The following ADAM12 variants were observed in gnomAD, a reference collection of about 807,000 sequenced individuals.
The protein encoded by ADAM12 is disintegrin and metalloproteinase domain-containing protein 12.
ADAM12 carries 70 observed loss-of-function variants against 106.4 expected under a neutral mutation model. The ratio of observed to expected loss-of-function variants is 0.66; its 90% CI spans 0.54 to 0.80. The LOEUF (loss-of-function observed/expected upper bound fraction) is 0.80, where lower values mean the gene tolerates loss of function less well. Ranked by LOEUF, ADAM12 falls within the 30% of genes least tolerant of loss-of-function variation. The pLI, the probability that ADAM12 is intolerant of heterozygous loss-of-function variation, is 0.00. For missense variants in ADAM12, 1,010 were observed against 1,171.9 expected (o/e 0.86, Z 2.02); for synonymous variants, 420 against 433.5 (o/e 0.97, Z 0.39).
chr10:126,256,230 T>C (rs1415626468), intron 3 of ADAM12, among the ~76,000 whole-genome samples: 2 of 152,216 alleles, frequency 1.3e-5, no homozygotes, highest in Non-Finnish European at 2.9e-5. Context: ...TCACATTGTA[T>C]GAATGAACGC....
intron 5 of ADAM12, among the ~76,000 whole-genome samples, chr10:126,119,368 A>G (rs936084953): frequency 1.3e-5 from 2 of 152,236 alleles, no homozygotes; most frequent in African/African-American, 4.8e-5. Flanking sequence ...TCATCGAGTC[A>G]AAACGCTTAG....
At chr10:126,071,445 T>C (rs1954988089) in intron 12 of ADAM12, 32 bp downstream of exon 12, 1 of 1,606,880 alleles carries the variant, frequency 6.2e-7, no homozygotes, top group South Asian at 1.1e-5. Context: ...ATACAAGTCT[T>C]CTTGTATCCT....
intron 3 of ADAM12, among the ~76,000 whole-genome samples, chr10:126,184,672 C>T (rs560464926): frequency 6.6e-5 from 10 of 152,242 alleles, no homozygotes; most frequent in South Asian, 4.1e-4. Flanking sequence ...ATGACCTTTC[C>T]GACGGCTGCC....
chr10:126,031,113 A>G (rs1953964440), intron 21 of ADAM12, among the ~76,000 whole-genome samples: 1 of 152,130 alleles, frequency 6.6e-6, no homozygotes, highest in South Asian at 2.1e-4. Context: ...GGGGAGGGTG[A>G]GATCTGGAAT....
intron 14 of ADAM12, among the ~76,000 whole-genome samples, chr10:126,050,881 C>T (rs1954464088): frequency 6.6e-6 from 1 of 152,176 alleles, no homozygotes; most frequent in South Asian, 2.1e-4. Context: ...CTTTTATAAG[C>T]CATGTTAGAG....
chr10:126,267,969 C>T (rs1959133269), intron 3 of ADAM12, among the ~76,000 whole-genome samples: 1 of 152,040 alleles, frequency 6.6e-6, no homozygotes, highest in African/African-American at 2.4e-5. Context: ...GCAAAATACA[C>T]ATAACATAAA....
intron 17 of ADAM12, among the ~76,000 whole-genome samples, chr10:126,045,804 A>G (rs187298628): frequency 6.6e-6 from 1 of 152,368 alleles, no homozygotes; most frequent in East Asian, 1.9e-4. Flanking sequence ...ATTACTTTGA[A>G]CAACAAAAGT....
intron 2 of ADAM12, among the ~76,000 whole-genome samples, chr10:126,327,073 T>A (rs1342831413): frequency 1.3e-5 from 2 of 151,854 alleles, no homozygotes; most frequent in African/African-American, 4.8e-5. Context: ...GGCCCCATGC[T>A]ATGGCACCAT....
At chr10:126,271,663 G>C (rs1959177100) in intron 3 of ADAM12, among the ~76,000 whole-genome samples, 1 of 152,190 alleles carries the variant, frequency 6.6e-6, no homozygotes, top group Non-Finnish European at 1.5e-5. Context: ...TACTAGGGAG[G>C]CTGAGGTGGG....
At chr10:126,377,411 C>T (rs952820737) in intron 1 of ADAM12, among the ~76,000 whole-genome samples, 2 of 152,142 alleles carry the variant, frequency 1.3e-5, no homozygotes, top group African/African-American at 4.8e-5. Flanking sequence ...AAGAAGCATC[C>T]AGCACAGGAG....
intron 13 of ADAM12, among the ~76,000 whole-genome samples, chr10:126,065,458 GA>G (rs1271891456): frequency 6.6e-6 from 1 of 152,178 alleles, no homozygotes; most frequent in African/African-American, 2.4e-5. Context: ...TCACAATCAC[GA>G]TAGCAATTTT....
chr10:126,045,131 C>T (rs1954281061), intron 17 of ADAM12, among the ~76,000 whole-genome samples: 1 of 152,182 alleles, frequency 6.6e-6, no homozygotes, highest in Admixed American at 6.5e-5. Flanking sequence ...GCTTGCCGGC[C>T]ATATTACCTT....
In ADAM12 at chr10:126,320,401, T is replaced by C. The variant is rs532885581; in HGVS notation, c.186+10011A>G. Among the ~76,000 whole-genome samples, 131 of 152,342 alleles carry C rather than the reference T, an allele frequency of 8.6e-4. 1 individual carries two copies. The highest frequency in any genetic ancestry group is 3.0e-3 in the African/African-American group (123 of 41,572). On this transcript the variant is annotated intron_variant, in intron 2 of 22. Coordinates refer to ENST00000448723, the MANE Select transcript of ADAM12 (RefSeq NM_001288973.2). ...CAAGCGTTGTTTTAATATAATTTTA[T>C]ATACGTGGTTGCAGGCACTGTCAGG...
At chr10:126,338,246 ATTTTTTT>A (rs200317403) in intron 1 of ADAM12, among the ~76,000 whole-genome samples, 40 of 89,840 alleles carry the variant, frequency 4.5e-4, no homozygotes, top group African/African-American at 1.6e-3. Flanking sequence ...AGTAACTTAC[ATTTTTTT>A]TTTTTTTTTT....
At chr10:126,387,889 T>G (rs57674674) in intron 1 of ADAM12, among the ~76,000 whole-genome samples, 169 bp downstream of exon 1, 4,360 of 83,368 alleles carry the variant, frequency 0.052, 330 homozygotes, top group African/African-American at 0.17. Context: ...AATTGGCACC[T>G]GGGGGGGGGG....
At chr10:126,311,132 CACA>C (rs1961076388) in intron 2 of ADAM12, among the ~76,000 whole-genome samples, 1 of 149,424 alleles carries the variant, frequency 6.7e-6, no homozygotes, top group African/African-American at 2.5e-5. Flanking sequence ...CACACACACA[CACA>C]CACCTGCACG....
intron 7 of ADAM12, 77 bp from the exon 8 acceptor site, chr10:126,108,741 T>G: frequency 7.3e-7 from 1 of 1,378,262 alleles, no homozygotes; most frequent in Non-Finnish European, 1.0e-6. Flanking sequence ...TCTGGAAATG[T>G]GAAGTCTTGG....
intron 5 of ADAM12, among the ~76,000 whole-genome samples, chr10:126,121,128 A>G (rs1358338438): frequency 1.8e-5 from 1 of 55,808 alleles, no homozygotes; most frequent in Non-Finnish European, 3.1e-5. Flanking sequence ...TATAGTATAT[A>G]TACTATATAC....
chr10:126,343,871 G>A (rs1053798928), intron 1 of ADAM12, among the ~76,000 whole-genome samples: 1 of 152,020 alleles, frequency 6.6e-6, no homozygotes, highest in African/African-American at 2.4e-5. Context: ...CTTTTTGATG[G>A]GGTTGTTTTT....
Sources: allele counts gnomAD v4.1 joint callset (sites outside exome capture counted in the v4.1 genomes callset), GRCh38; gene constraint gnomAD v4.1.1; transcripts MANE v1.5; gene names NCBI Gene and HGNC (gene_info 2026-07-23, HGNC 2026-07-21).